The following COL16A1 variants were observed in gnomAD, a reference collection of about 807,000 sequenced individuals.
The protein encoded by COL16A1 is collagen alpha-1(XVI) chain.
Under a neutral mutation model 266.3 loss-of-function variants are expected in COL16A1, and 189 were observed. The ratio of observed to expected loss-of-function variants is 0.71; its 90% CI spans 0.63 to 0.80. COL16A1 has a LOEUF of 0.80. Among genes scored for constraint, COL16A1 ranks in the 30% least tolerant of loss-of-function variants. COL16A1 has a pLI of 0.00. For synonymous variants in COL16A1, 740 were observed against 782.3 expected (o/e 0.95, Z 0.90); for missense variants, 1,928 against 2,122.4 (o/e 0.91, Z 1.80).
chr1:31,674,937 CACTT>C (rs1643050846), intron 44 of COL16A1, 66 bp downstream of exon 44: 2 of 1,586,850 alleles, frequency 1.3e-6, no homozygotes, highest in Non-Finnish European at 8.6e-7. Flanking sequence ...CACAGCTGAG[CACTT>C]ACTAAGAGAA....
chr1:31,662,685 C>A, intron 56 of COL16A1, 27 bp from the exon 57 acceptor site: 1 of 1,047,948 alleles, frequency 9.5e-7, no homozygotes. Flanking sequence ...CCCCCCCCCC[C>A]CGCCCCACAA....
chr1:31,681,169 GTTCC>G, intron 37 of COL16A1, 102 bp from the exon 38 acceptor site: 1 of 1,463,538 alleles, frequency 6.8e-7, no homozygotes, highest in Non-Finnish European at 9.0e-7. Context: ...GCAGCGCCAG[GTTCC>G]CCTGGAGCCC....
At chr1:31,702,855 C>T (rs1337334066) in intron 1 of COL16A1, among the ~76,000 whole-genome samples, 2 of 152,034 alleles carry the variant, frequency 1.3e-5, no homozygotes. Flanking sequence ...GGGCTCAGGA[C>T]CTCATTGCCA....
chr1:31,656,414 G>A lies in COL16A1; in HGVS notation c.4087C>T (p.Pro1363Ser). Residue 1363 changes from proline (P) to serine (S), a missense_variant, in exon 66 of 71, where the codon CCT becomes TCT. Pro to Ser is a moderately conservative substitution (Grantham distance 74, BLOSUM62 -1). Coordinates refer to ENST00000373672, the MANE Select transcript of COL16A1 (RefSeq NM_001856.4). The surrounding 1 kb of genome is among the most constrained non-coding windows in gnomAD (Gnocchi z 4.2). ...TGCCCACTCACCTTGGGACCAGGAG[G>A]TCCATAGAATCCCTGCTTTCCAGGG... ...GPPGKQGFYGPPGPKGDPGAA... is the reference protein window; with the variant it reads ...GPPGKQGFYGSPGPKGDPGAA... 1 of 1,613,600 alleles carries A rather than the reference G, an allele frequency of 6.2e-7. No homozygotes were observed. Among genetic ancestry groups the A allele is most frequent in the Non-Finnish European group, 8.5e-7 (1 of 1,179,856 alleles).
chr1:31,671,641 C>T lies in COL16A1; in HGVS notation c.3124G>A (p.Gly1042Ser), dbSNP rs1246139866. 3 of 1,613,966 alleles carry T rather than the reference C, an allele frequency of 1.9e-6. No individual in the cohort carries two copies. Residue 1042 changes from glycine to serine, a missense_variant, in exon 48 of 71, where the codon GGC becomes AGC. Coordinates refer to ENST00000373672, the MANE Select transcript of COL16A1 (RefSeq NM_001856.4). Reference protein sequence around the residue: ...RGEEGPPGMRGSPGPPGPIGP... With the variant: ...RGEEGPPGMRSSPGPPGPIGP... ...ATAGGGCCTGGAGGACCCGGGGAGC[C>T]CCTCATGCCAGGCGGACCCTGCAAA... is the stretch of plus-strand genomic sequence containing the variant.
intron 44 of COL16A1, among the ~76,000 whole-genome samples, chr1:31,674,220 G>A (rs1357713688): frequency 6.6e-6 from 1 of 152,196 alleles, no homozygotes; most frequent in Non-Finnish European, 1.5e-5. Flanking sequence ...TCAGAAGAGG[G>A]TGGCCAGGAT....
At chr1:31,693,553 T>C (rs1644371088) in intron 12 of COL16A1, among the ~76,000 whole-genome samples, 1 of 152,182 alleles carries the variant, frequency 6.6e-6, no homozygotes, top group South Asian at 2.1e-4. Flanking sequence ...CTTGCTAGCA[T>C]GTCACTCAGA....
intron 21 of COL16A1, 41 bp downstream of exon 21, chr1:31,690,488 T>C: frequency 1.9e-6 from 3 of 1,614,120 alleles, no homozygotes; most frequent in Non-Finnish European, 2.5e-6. Context: ...CCAGAGGCCT[T>C]GGAAGAGCCG....
rs113438080 is a variant in COL16A1 at position 31,672,140 on chromosome 1, T to A, written c.3105+276A>T. Reference sequence around the variant, plus strand: ...TTAAAGAGGGTGGTCAGGGGAGGTCTCTCTGAGAAGGAGACATTTGAGCCG... The same window carrying A: ...TTAAAGAGGGTGGTCAGGGGAGGTCACTCTGAGAAGGAGACATTTGAGCCG... On this transcript the variant is annotated intron_variant, in intron 47 of 70. Transcript: ENST00000373672. Among the ~76,000 whole-genome samples, 466 of 152,248 alleles carry A rather than the reference T, an allele frequency of 3.1e-3. 2 individuals are homozygous for A. The highest frequency in any genetic ancestry group is 6.8e-3 in the Middle Eastern group (2 of 294).
Position 31,689,059 on chromosome 1 carries a change from T to C in COL16A1, c.1647A>G (p.Lys549=). The C allele has an allele frequency of 1.2e-6, 2 of 1,613,918 alleles. No homozygotes were observed. The highest frequency in any genetic ancestry group is 1.7e-6 in the Non-Finnish European group (2 of 1,180,000). The change falls in exon 24 of 71, where the codon AAA becomes AAG. Residue 549 remains lysine (K), a synonymous_variant. Coordinates refer to ENST00000373672, the MANE Select transcript of COL16A1 (RefSeq NM_001856.4). ...ARGDPGIQGI[K]GEKGEPCLSC... ...AGCAGGGTTCCCTCACCTTCTCTCC[T>C]TTGATGCCTTGGATGCCAGGGTCTC...
At position 31,696,982 on chromosome 1, in the gene COL16A1, T is replaced by A; in HGVS notation, c.845A>T (p.Glu282Val). The change falls in exon 8 of 71, where the codon GAG (glutamate) becomes GTG (valine). Residue 282 changes from glutamate to valine, a missense_variant. Physicochemically the swap from Glu to Val is moderately radical, Grantham distance 121. Around this residue, in one of 2 missense-constraint regions of COL16A1, gnomAD observed 1,552 missense variants for 1,637.2 expected, o/e 0.95. Transcript: ENST00000373672. Reference protein sequence around the residue: ...GKVYTRCFCLEEPQNSEVDAQ... With the variant: ...GKVYTRCFCLVEPQNSEVDAQ... ...ACCCACCTCGCTGTTTTGAGGCTCCTCCAGGCAGAAGCAGCGGGTGTAGAC... is the reference window on the plus strand; with the variant it reads ...ACCCACCTCGCTGTTTTGAGGCTCCACCAGGCAGAAGCAGCGGGTGTAGAC... The A allele has an allele frequency of 6.2e-7, 1 of 1,614,122 alleles. No homozygotes were observed. Among genetic ancestry groups the A allele is most frequent in the Non-Finnish European group, 8.5e-7 (1 of 1,180,016 alleles).
intron 70 of COL16A1, 25 bp downstream of exon 70, chr1:31,653,574 G>A: frequency 6.8e-6 from 11 of 1,607,454 alleles, no homozygotes; most frequent in Non-Finnish European, 9.3e-6. Flanking sequence ...CTGGATTCAT[G>A]GTCTCAAATG....
intron 19 of COL16A1, 75 bp from the exon 20 acceptor site, chr1:31,691,301 C>G (rs1233271371): frequency 8.1e-6 from 13 of 1,597,390 alleles, no homozygotes; most frequent in South Asian, 2.3e-5. Flanking sequence ...CCCTCACCCT[C>G]TCCTCCAGCC....
At chr1:31,680,158 T>C in intron 39 of COL16A1, 57 bp from the exon 40 acceptor site, 2 of 1,584,284 alleles carry the variant, frequency 1.3e-6, no homozygotes, top group East Asian at 2.3e-5. Flanking sequence ...TCTCTTGAAA[T>C]GGACATCCGA....
At position 31,664,042 on chromosome 1, in the gene COL16A1, A is replaced by G. The variant is rs1016421190; in HGVS notation, c.3555+1130T>C. On this transcript the variant is annotated intron_variant, in intron 56 of 70. Transcript: ENST00000373672. This position sits in a 1 kb window ranked among gnomAD's most constrained non-coding sequence, Gnocchi z 5.5. ...GGAGGGGTCAGCAGAGCCCCAACCA[A>G]TGTTGGCCCCCACTGGCAGTTGGGA... is the stretch of plus-strand genomic sequence containing the variant. 2.6e-5 allele frequency among the ~76,000 whole-genome samples: 4 copies of G among 152,000 alleles called. No homozygotes were observed. Among genetic ancestry groups the G allele is most frequent in the Admixed American group, 6.5e-5 (1 of 15,282 alleles).
Position 31,688,370 on chromosome 1 carries a change from T to G in COL16A1, c.1803+97A>C. On this transcript the variant is annotated intron_variant, in intron 26 of 70. Transcript: ENST00000373672. This position sits in a 1 kb window ranked among gnomAD's most constrained non-coding sequence, Gnocchi z 4.9. ...TCACTGTGAATTTACCGTCTGAATC[T>G]CTTGTTTATATTACCCTTATTCCCC... The G allele has an allele frequency of 7.5e-7, 1 of 1,331,732 alleles. No individual in the cohort carries two copies. Among genetic ancestry groups the G allele is most frequent in the South Asian group, 1.2e-5 (1 of 84,014 alleles). 82.5% of individuals were successfully genotyped at this position (1,331,732 alleles called of 1,614,324 possible).
chr1:31,654,692 G>A (rs1337813946), intron 68 of COL16A1, 100 bp downstream of exon 68: 18 of 1,600,646 alleles, frequency 1.1e-5, no homozygotes, highest in Non-Finnish European at 1.4e-5. Context: ...GTGAGAGCAG[G>A]AGGACATTGA....
chr1:31,673,353 G>C (rs1169046139), intron 44 of COL16A1: 1 of 167,078 alleles, frequency 6.0e-6, no homozygotes, highest in Non-Finnish European at 1.3e-5. Context: ...TTCCCCACAG[G>C]AAGGGCTTTA....
At chr1:31,662,825 G>A (rs1036297358) in intron 56 of COL16A1, 167 bp from the exon 57 acceptor site, 8 of 658,450 alleles carry the variant, frequency 1.2e-5, no homozygotes, top group East Asian at 5.5e-5. Flanking sequence ...TGTGCCACAC[G>A]TCGCCTCCCC....
Sources: gnomAD v4.1 joint callset for allele counts (sites outside exome capture counted in the v4.1 genomes callset) on GRCh38, gnomAD v4.1.1 for gene constraint, gnomAD v4.1.1 regional missense constraint, Gnocchi (gnomAD v3.1) non-coding constraint, MANE v1.5 for transcripts, NCBI Gene and HGNC (gene_info 2026-07-23, HGNC 2026-07-21) for gene names.